Variants in MAF observed in about 807,000 individuals in gnomAD.
MAF encodes the protein transcription factor Maf.
A neutral mutation model predicts 22.0 loss-of-function variants in MAF; 10 were observed. The ratio of observed to expected loss-of-function variants is 0.45; its 90% CI spans 0.28 to 0.77. MAF has a LOEUF of 0.77. MAF is among the 30% of genes least tolerant of loss of function. The pLI is 0.12. For synonymous variants in MAF, 337 were observed against 255.8 expected, an observed-to-expected ratio of 1.32 and a Z score of -3.03; for missense variants, 544 against 548.4, an observed-to-expected ratio of 0.99 and a Z score of 0.08.
chr16:79,372,627 C>A, the MAF span, among the ~76,000 whole-genome samples: 2 of 152,320 alleles, frequency 1.3e-5, no homozygotes, highest in Non-Finnish European at 2.9e-5. Context: ...AGGCAGGCTG[C>A]GGTCTGGCGG....
At chr16:79,255,137 A>C in the MAF span, among the ~76,000 whole-genome samples, 1 of 152,208 alleles carries the variant, frequency 6.6e-6, no homozygotes. Context: ...TCTTGTATCC[A>C]ATCCAATAAC....
At chr16:79,209,708 T>G in the MAF span, among the ~76,000 whole-genome samples, 1 of 152,216 alleles carries the variant, frequency 6.6e-6, no homozygotes, top group African/African-American at 2.4e-5. Flanking sequence ...AATACTTGGC[T>G]TGAGTTAGCT....
the MAF span, among the ~76,000 whole-genome samples, chr16:79,412,260 A>T: frequency 6.6e-6 from 1 of 152,196 alleles, no homozygotes; most frequent in Non-Finnish European, 1.5e-5. Context: ...AGTTGTGTTC[A>T]GATAAAGGGC....
At chr16:79,529,056 A>G in the MAF span, among the ~76,000 whole-genome samples, 1 of 152,302 alleles carries the variant, frequency 6.6e-6, no homozygotes, top group East Asian at 1.9e-4. Context: ...CTGTAGTCTA[A>G]GTAAGTCAAC....
At chr16:79,584,116 A>G (rs1158384257), downstream of MAF, among the ~76,000 whole-genome samples, 1 of 152,192 alleles carries the variant, frequency 6.6e-6, no homozygotes, top group Admixed American at 6.5e-5. Context: ...GAGACTACAT[A>G]AAAGGTAATT....
chr16:79,508,050 T>G, the MAF span, among the ~76,000 whole-genome samples: 3 of 152,018 alleles, frequency 2.0e-5, no homozygotes, highest in African/African-American at 7.2e-5. Flanking sequence ...AGGACTAGAT[T>G]TGCAGCAGGA....
the MAF span, among the ~76,000 whole-genome samples, chr16:79,541,791 G>T: frequency 3.5e-3 from 534 of 151,854 alleles, 1 homozygote; most frequent in Non-Finnish European, 6.1e-3. Flanking sequence ...CAGTAGCTGG[G>T]ATTAAAGGCA....
the MAF span, among the ~76,000 whole-genome samples, chr16:79,379,536 G>C: frequency 6.6e-6 from 1 of 151,564 alleles, no homozygotes; most frequent in South Asian, 2.1e-4. Context: ...CACACAACTA[G>C]CGGGAATTAT....
chr16:79,424,584 G>T, the MAF span, among the ~76,000 whole-genome samples: 1 of 152,156 alleles, frequency 6.6e-6, no homozygotes, highest in African/African-American at 2.4e-5. Flanking sequence ...AAATTTAAAT[G>T]TTTCCATGTT....
At chr16:79,253,774 G>A in the MAF span, among the ~76,000 whole-genome samples, 4 of 152,228 alleles carry the variant, frequency 2.6e-5, no homozygotes, top group East Asian at 3.9e-4. Flanking sequence ...CGTCTGCGAG[G>A]CCTGGGATTT....
At chr16:79,361,240 G>A in the MAF span, among the ~76,000 whole-genome samples, 2 of 152,138 alleles carry the variant, frequency 1.3e-5, no homozygotes, top group African/African-American at 2.4e-5. Context: ...AGAGCTGAGG[G>A]TGTCCACATG....
the MAF span, among the ~76,000 whole-genome samples, chr16:79,443,551 T>C: frequency 6.6e-6 from 1 of 152,206 alleles, no homozygotes; most frequent in African/African-American, 2.4e-5. Flanking sequence ...GATTTAGTAA[T>C]TAATTTCAAA....
At chr16:79,488,794 C>A in the MAF span, among the ~76,000 whole-genome samples, 6 of 152,122 alleles carry the variant, frequency 3.9e-5, no homozygotes, top group Non-Finnish European at 8.8e-5. Context: ...CGTTCATCAA[C>A]CTTCCGGGAG....
chr16:79,568,004 A>G, the MAF span, among the ~76,000 whole-genome samples: 2 of 152,234 alleles, frequency 1.3e-5, no homozygotes, highest in African/African-American at 2.4e-5. Flanking sequence ...TTACAGAATG[A>G]TAATCAGGCA....
downstream of MAF, among the ~76,000 whole-genome samples, chr16:79,591,736 G>A (rs1192806961): frequency 6.6e-6 from 1 of 152,116 alleles, no homozygotes; most frequent in Non-Finnish European, 1.5e-5. Flanking sequence ...AACACACAGA[G>A]GGCCTTCGAA....
the MAF span, among the ~76,000 whole-genome samples, chr16:79,442,745 G>T: frequency 6.6e-6 from 1 of 152,178 alleles, no homozygotes; most frequent in Non-Finnish European, 1.5e-5. Flanking sequence ...CCATCTCCCA[G>T]TAGCCAGTGT....
the MAF span, among the ~76,000 whole-genome samples, chr16:79,531,836 T>A: frequency 6.6e-6 from 1 of 151,842 alleles, no homozygotes; most frequent in Non-Finnish European, 1.5e-5. Context: ...GGCCTGGGGG[T>A]TGGGGACCCC....
At chr16:79,294,829 C>A in the MAF span, among the ~76,000 whole-genome samples, 1 of 152,272 alleles carries the variant, frequency 6.6e-6, no homozygotes, top group East Asian at 1.9e-4. Context: ...AAACCACAAC[C>A]AAACTACAAC....
intron 1 of MAF, chr16:79,598,404 C>G: frequency 1.7e-6 from 2 of 1,208,548 alleles, no homozygotes; most frequent in Non-Finnish European, 2.1e-6. Context: ...ATGAAGAACT[C>G]TGCTGAGATC....
Sources: gnomAD v4.1 joint callset for allele counts (sites outside exome capture counted in the v4.1 genomes callset) on GRCh38, gnomAD v4.1.1 for gene constraint, MANE v1.5 for transcripts, NCBI Gene and HGNC (gene_info 2026-07-23, HGNC 2026-07-21) for gene names.